Variants in SPATA16 observed in about 807,000 individuals in gnomAD.
SPATA16 encodes the protein spermatogenesis-associated protein 16.
In SPATA16, 36 loss-of-function variants were observed where a neutral mutation model predicts 63.3. That is an observed-to-expected ratio of 0.57 (90% CI 0.44 to 0.75). The LOEUF is 0.75. Among genes scored for constraint, SPATA16 ranks in the 30% least tolerant of loss-of-function variants. SPATA16 has a pLI of 0.00. For missense variants in SPATA16, 646 were observed against 679.3 expected (o/e 0.95, Z 0.54); for synonymous variants, 203 against 216.7 (o/e 0.94, Z 0.56).
intron 9 of SPATA16, among the ~76,000 whole-genome samples, 174 bp from the exon 10 acceptor site, chr3:172,913,918 G>A (rs1475481524): frequency 6.6e-6 from 1 of 152,108 alleles, no homozygotes; most frequent in Non-Finnish European, 1.5e-5. Context: ...GAATATTATT[G>A]CAGATATAAA....
Position 172,924,254 on chromosome 3 carries a change from T to G in SPATA16, c.1292A>C (p.Lys431Thr). 1 of 1,613,538 alleles carries G rather than the reference T, an allele frequency of 6.2e-7. No individual in the cohort carries two copies. Among genetic ancestry groups the G allele is most frequent in the Non-Finnish European group, 8.5e-7 (1 of 1,179,684 alleles). ...AAAATCCAATATTGGCAAGATTCGC[T>G]TCCCCATTGTCTCCATTTGCCTCAC... ...DTVRQMETMG[K>T]RILPILDFIR... Residue 431 changes from lysine (K) to threonine (T), a missense_variant, in exon 8 of 11, where the codon AAG becomes ACG. By Grantham distance (78) the Lys-to-Thr change is moderately conservative. Coordinates refer to ENST00000351008, the MANE Select transcript of SPATA16 (RefSeq NM_031955.6).
At chr3:172,979,214 G>T (rs925585682) in intron 4 of SPATA16, among the ~76,000 whole-genome samples, 3 of 151,886 alleles carry the variant, frequency 2.0e-5, no homozygotes, top group African/African-American at 7.3e-5. Flanking sequence ...TCCAGCCTGG[G>T]CAACAGAGCA....
intron 3 of SPATA16, among the ~76,000 whole-genome samples, chr3:173,020,091 T>A (rs1216473520): frequency 6.6e-6 from 1 of 150,914 alleles, no homozygotes; most frequent in East Asian, 1.9e-4. Flanking sequence ...AGGTCATGAG[T>A]TCAAGAACAG....
At chr3:172,931,282 T>G (rs1400562673) in intron 6 of SPATA16, among the ~76,000 whole-genome samples, 2 of 152,288 alleles carry the variant, frequency 1.3e-5, no homozygotes, top group Admixed American at 1.3e-4. Context: ...ACTCTGTCAC[T>G]TATGCTGGAG....
chr3:173,068,816 TAA>T (rs35439377), intron 2 of SPATA16, among the ~76,000 whole-genome samples: 1 of 142,716 alleles, frequency 7.0e-6, no homozygotes, highest in Non-Finnish European at 1.5e-5. Context: ...CCCAAATTAG[TAA>T]AAAAAAAAAA....
chr3:173,083,189 A>G (rs541332225), intron 2 of SPATA16, among the ~76,000 whole-genome samples: 3 of 152,182 alleles, frequency 2.0e-5, no homozygotes, highest in East Asian at 3.9e-4. Flanking sequence ...ACTCATCCAC[A>G]TAGAAAATGA....
chr3:173,117,580 C>G lies in SPATA16; in HGVS notation c.152G>C (p.Cys51Ser), dbSNP rs754048625. The change falls in exon 2 of 11, where the codon TGT (cysteine) becomes TCT (serine). Residue 51 changes from cysteine to serine, a missense_variant. Coordinates refer to ENST00000351008, the MANE Select transcript of SPATA16 (RefSeq NM_031955.6). ...LEMSQEIKKN[C>S]GGKQVEITLE... Reference sequence around the variant, plus strand: ...TGTGATTTCTACCTGTTTACCTCCACAGTTTTTCTTAATCTCTTGTGACAT... The same window carrying G: ...TGTGATTTCTACCTGTTTACCTCCAGAGTTTTTCTTAATCTCTTGTGACAT... 8.7e-6 allele frequency: 14 copies of G among 1,613,666 alleles called. No homozygotes were observed. In the South Asian group the frequency reaches 1.5e-4, roughly 18 times the overall value.
At chr3:173,021,722 TTTTA>T (rs76258278) in intron 3 of SPATA16, among the ~76,000 whole-genome samples, 2,249 of 139,692 alleles carry the variant, frequency 0.016, 27 homozygotes, top group South Asian at 0.051. Context: ...CCCTATTACT[TTTTA>T]TTTATTTATT....
intron 6 of SPATA16, among the ~76,000 whole-genome samples, chr3:172,950,283 T>C (rs1733399234): frequency 6.6e-6 from 1 of 152,158 alleles, no homozygotes; most frequent in Non-Finnish European, 1.5e-5. Flanking sequence ...TGAACTCCAT[T>C]AGATGGAGCA....
chr3:172,890,344 G>T (rs1731867721), intron 10 of SPATA16, among the ~76,000 whole-genome samples: 2 of 140,130 alleles, frequency 1.4e-5, no homozygotes, highest in Admixed American at 7.3e-5. Context: ...ATAGAATGTA[G>T]TATACTGTTT....
intron 1 of SPATA16, among the ~76,000 whole-genome samples, chr3:173,126,384 C>G (rs751452538): frequency 2.2e-4 from 34 of 152,262 alleles, no homozygotes; most frequent in Non-Finnish European, 3.8e-4. Context: ...ACTTTAGAGA[C>G]CTTTGGCTAC....
At chr3:172,925,596 C>G in intron 6 of SPATA16, 104 bp from the exon 7 acceptor site, 1 of 1,389,362 alleles carries the variant, frequency 7.2e-7, no homozygotes. Context: ...AAAATAATAA[C>G]TATAAATGTG....
At chr3:173,033,379 A>T (rs1304963983) in intron 3 of SPATA16, among the ~76,000 whole-genome samples, 3 of 152,164 alleles carry the variant, frequency 2.0e-5, no homozygotes, top group African/African-American at 7.2e-5. Flanking sequence ...CTCCCAACAA[A>T]ATAGTCTTTA....
chr3:172,895,323 T>C (rs1044217000), intron 10 of SPATA16, among the ~76,000 whole-genome samples: 4 of 152,174 alleles, frequency 2.6e-5, no homozygotes, highest in South Asian at 4.1e-4. Context: ...AATAAACTAA[T>C]AAGTTTTTTT....
At chr3:172,954,537 TA>T (rs753395571) in intron 6 of SPATA16, among the ~76,000 whole-genome samples, 34 of 152,182 alleles carry the variant, frequency 2.2e-4, no homozygotes, top group Admixed American at 1.7e-3. Context: ...TTATGTTACT[TA>T]CTTCTTAGCT....
At chr3:172,956,521 T>G (rs775175837) in intron 6 of SPATA16, among the ~76,000 whole-genome samples, 156 bp downstream of exon 6, 1 of 152,180 alleles carries the variant, frequency 6.6e-6, no homozygotes, top group Non-Finnish European at 1.5e-5. Context: ...GCTATCCTTA[T>G]TTAAAACCTT....
At chr3:173,117,862 C>T in intron 1 of SPATA16, 113 bp from the exon 2 acceptor site, 1 of 1,516,678 alleles carries the variant, frequency 6.6e-7, no homozygotes, top group Non-Finnish European at 8.9e-7. Flanking sequence ...GTATTTGTTG[C>T]CTTGTAAGTA....
chr3:172,972,575 A>G (rs1734071780), intron 5 of SPATA16, among the ~76,000 whole-genome samples: 1 of 152,206 alleles, frequency 6.6e-6, no homozygotes, highest in Non-Finnish European at 1.5e-5. Context: ...AAATTCCAGG[A>G]CTAGCTTTGT....
At position 172,914,424 on chromosome 3, in the gene SPATA16, A is replaced by G. The variant is rs186548310; in HGVS notation, c.1504-680T>C. ...GCCATGTGCTATTCAAAGGTTAAAA[A>G]AAGTTCTTAAAAAATACCAGTTCAG... On this transcript the variant is annotated intron_variant, in intron 9 of 10. Coordinates refer to ENST00000351008, the MANE Select transcript of SPATA16 (RefSeq NM_031955.6). 1.1e-3 allele frequency among the ~76,000 whole-genome samples: 168 copies of G among 152,294 alleles called. 1 individual carries two copies. Among genetic ancestry groups the G allele is most frequent in the African/African-American group, 4.0e-3 (165 of 41,572 alleles).
Sources: gnomAD v4.1 joint callset for allele counts (sites outside exome capture counted in the v4.1 genomes callset) on GRCh38, gnomAD v4.1.1 for gene constraint, MANE v1.5 for transcripts, NCBI Gene and HGNC (gene_info 2026-07-23, HGNC 2026-07-21) for gene names.